The following COP1 variants were observed in gnomAD, a reference collection of about 807,000 sequenced individuals.
COP1 encodes COP1 E3 ubiquitin ligase, also known as E3 ubiquitin-protein ligase COP1.
A neutral mutation model predicts 101.3 loss-of-function variants in COP1; 24 were observed. The ratio of observed to expected loss-of-function variants is 0.24; its 90% CI spans 0.17 to 0.33. The LOEUF is 0.33. COP1 is among the 10% of genes least tolerant of loss of function. COP1 has a pLI of 1.00. For missense variants in COP1, 663 were observed against 906.2 expected, an observed-to-expected ratio of 0.73 and a Z score of 3.45; for synonymous variants, 347 against 341.9, an observed-to-expected ratio of 1.01 and a Z score of -0.17.
intron 10 of COP1, 53 bp from the exon 11 acceptor site, chr1:176,081,340 A>C (rs1012821688): frequency 7.1e-7 from 1 of 1,410,916 alleles, no homozygotes; most frequent in Non-Finnish European, 9.6e-7. Context: ...ACTGCAAAGT[A>C]AGTCAAAGAG....
At chr1:176,165,802 A>G (rs1296247073) in intron 3 of COP1, among the ~76,000 whole-genome samples, 3 of 152,244 alleles carry the variant, frequency 2.0e-5, no homozygotes, top group Non-Finnish European at 4.4e-5. Context: ...AAATGTAGGC[A>G]GATCAGAGCC....
intron 8 of COP1, among the ~76,000 whole-genome samples, chr1:176,132,013 A>G (rs1045670319): frequency 6.6e-6 from 1 of 151,598 alleles, no homozygotes; most frequent in South Asian, 2.1e-4. Context: ...CATGAAATCT[A>G]GTATGTTTTA....
chr1:176,003,279 A>T (rs1310141624), intron 15 of COP1, among the ~76,000 whole-genome samples: 2 of 151,900 alleles, frequency 1.3e-5, no homozygotes, highest in African/African-American at 4.8e-5. Context: ...GGTTGCAAAA[A>T]TTTTCTCCCA....
rs182012778 is a variant in COP1 at position 175,970,175 on chromosome 1, G to C, written c.2133+16768C>G. 3.3e-5 allele frequency among the ~76,000 whole-genome samples: 5 copies of C among 152,260 alleles called. No individual in the cohort carries two copies. The East Asian group carries it at 9.6e-4, about 29-fold the overall frequency. On this transcript the variant is annotated intron_variant, in intron 18 of 19. Coordinates refer to ENST00000367669, the MANE Select transcript of COP1 (RefSeq NM_022457.7). ...ATAACAAACAATTCAAGATGAATGT[G>C]AACATCAGTTGGTAGACTGCATTCT...
chr1:176,114,868 G>A (rs1355846793), intron 9 of COP1, among the ~76,000 whole-genome samples: 1 of 152,050 alleles, frequency 6.6e-6, no homozygotes. Context: ...AATATTAACT[G>A]CTTGAATTTT....
At chr1:176,082,688 C>A (rs1256031963) in intron 10 of COP1, among the ~76,000 whole-genome samples, 3 of 151,916 alleles carry the variant, frequency 2.0e-5, no homozygotes, top group Non-Finnish European at 4.4e-5. Flanking sequence ...TGCCTGTAAT[C>A]CTAGCTACTC....
At chr1:176,095,490 C>G (rs919273140) in intron 9 of COP1, among the ~76,000 whole-genome samples, 1 of 152,072 alleles carries the variant, frequency 6.6e-6, no homozygotes, top group East Asian at 1.9e-4. Flanking sequence ...GACCAGCCTG[C>G]GCAGCATGGC....
chr1:175,983,275 C>CAGTG (rs1028613098), intron 18 of COP1, among the ~76,000 whole-genome samples: 11 of 152,176 alleles, frequency 7.2e-5, no homozygotes, highest in African/African-American at 2.7e-4. Context: ...GGAAGGGACC[C>CAGTG]AGTGGGAGGT....
chr1:176,185,054 TG>T (rs1298331713), intron 1 of COP1, among the ~76,000 whole-genome samples: 2 of 152,176 alleles, frequency 1.3e-5, no homozygotes, highest in African/African-American at 4.8e-5. Flanking sequence ...CTCAAAAGCG[TG>T]TACCGAGACC....
chr1:176,127,603 G>GTGTATATA (rs1208762455), intron 8 of COP1, among the ~76,000 whole-genome samples: 1 of 14,288 alleles, frequency 7.0e-5, no homozygotes, highest in African/African-American at 9.2e-5. Flanking sequence ...GTGTATATAT[G>GTGTATATA]TGTGTGTGTG....
At chr1:176,151,026 C>A (rs1692345520) in intron 5 of COP1, among the ~76,000 whole-genome samples, 1 of 151,830 alleles carries the variant, frequency 6.6e-6, no homozygotes, top group Non-Finnish European at 1.5e-5. Flanking sequence ...CCAATTATAC[C>A]AAAATGTCTA....
chr1:175,950,492 G>GT (rs1649752205), intron 18 of COP1, among the ~76,000 whole-genome samples: 1 of 152,152 alleles, frequency 6.6e-6, no homozygotes. Context: ...GGTTATTAAT[G>GT]TAAGTTTTTA....
chr1:176,066,797 T>G (rs531034356), intron 11 of COP1, among the ~76,000 whole-genome samples: 24 of 152,272 alleles, frequency 1.6e-4, no homozygotes, highest in African/African-American at 5.8e-4. Flanking sequence ...AACAAAGATA[T>G]TTCCTTTGTT....
At chr1:175,982,116 G>A (rs375809742) in intron 18 of COP1, among the ~76,000 whole-genome samples, 1 of 152,022 alleles carries the variant, frequency 6.6e-6, no homozygotes. Context: ...TAATATGGAG[G>A]TCCTCAAATA....
chr1:175,992,131 G>A (rs1042916997), intron 15 of COP1, among the ~76,000 whole-genome samples: 2 of 152,148 alleles, frequency 1.3e-5, no homozygotes, highest in Middle Eastern at 3.2e-3. Context: ...TGGAATATGA[G>A]ATGTTTTGAT....
At chr1:176,017,145 T>A (rs1665806566) in intron 15 of COP1, 1 of 152,208 alleles carries the variant, frequency 6.6e-6, no homozygotes, top group Non-Finnish European at 1.5e-5. Context: ...AATGAATATT[T>A]CACTACCTTT....
chr1:176,184,575 A>G, intron 2 of COP1, 58 bp downstream of exon 2: 3 of 1,361,254 alleles, frequency 2.2e-6, no homozygotes, highest in Non-Finnish European at 3.1e-6. Flanking sequence ...CATTGGCTAC[A>G]TTTACAGATA....
At chr1:176,057,177 T>C (rs1377750558) in intron 11 of COP1, among the ~76,000 whole-genome samples, 1 of 152,228 alleles carries the variant, frequency 6.6e-6, no homozygotes, top group African/African-American at 2.4e-5. Flanking sequence ...TTATCCATTA[T>C]ATTGTCTAAT....
intron 10 of COP1, among the ~76,000 whole-genome samples, chr1:176,083,447 T>C (rs1572128078): frequency 1.3e-5 from 2 of 152,174 alleles, no homozygotes; most frequent in Admixed American, 6.5e-5. Context: ...TCTGAAAGTA[T>C]AGTAATTGAT....
Sources: allele counts gnomAD v4.1 joint callset (sites outside exome capture counted in the v4.1 genomes callset), GRCh38; gene constraint gnomAD v4.1.1; transcripts MANE v1.5; gene names NCBI Gene and HGNC (gene_info 2026-07-23, HGNC 2026-07-21).